Variants in EHBP1 observed in about 807,000 individuals in gnomAD.
EHBP1 encodes the protein EH domain binding protein 1.
Under a neutral mutation model 144.0 loss-of-function variants are expected in EHBP1, and 55 were observed. That is an observed-to-expected ratio of 0.38 (90% CI 0.31 to 0.48). The LOEUF (loss-of-function observed/expected upper bound fraction) is 0.48, where lower values mean the gene tolerates loss of function less well. Among genes scored for constraint, EHBP1 ranks in the 20% least tolerant of loss-of-function variants. EHBP1 has a pLI of 0.98. For synonymous variants in EHBP1, 469 were observed against 472.7 expected (o/e 0.99, Z 0.10); for missense variants, 1,200 against 1,364.2 (o/e 0.88, Z 1.90).
Position 62,978,180 on chromosome 2 carries a change from C to T in EHBP1, c.2461-1008C>T, listed in dbSNP as rs141989317. 2.7e-4 allele frequency among the ~76,000 whole-genome samples: 41 copies of T among 150,560 alleles called. No individual in the cohort carries two copies. The South Asian group carries it at 6.7e-3, about 25-fold the overall frequency. On this transcript the variant is annotated intron_variant, in intron 14 of 22. Transcript: ENST00000431489. The stretch of plus-strand genomic sequence containing the variant: ...AAAGCAGTTTCACATTGATTATTTG[C>T]GATTCATAATATTAATAATCCTTTT...
intron 19 of EHBP1, among the ~76,000 whole-genome samples, chr2:63,020,502 C>CAA (rs544692213): frequency 9.5e-6 from 1 of 105,314 alleles, no homozygotes; most frequent in Non-Finnish European, 2.0e-5. Context: ...GACTACATCT[C>CAA]AAAAAAAAAA....
intron 1 of EHBP1, among the ~76,000 whole-genome samples, chr2:62,678,350 G>A (rs1297847057): frequency 3.3e-5 from 5 of 152,098 alleles, no homozygotes; most frequent in Non-Finnish European, 7.4e-5. Flanking sequence ...TTCCTATAGA[G>A]TTGTCTGAGT....
chr2:62,883,348 A>G (rs969133567), intron 10 of EHBP1, among the ~76,000 whole-genome samples: 4 of 152,242 alleles, frequency 2.6e-5, no homozygotes, highest in African/African-American at 7.2e-5. Flanking sequence ...TTTGAAGGTA[A>G]TGTTTCATTG....
intron 4 of EHBP1, 53 bp from the exon 5 acceptor site, chr2:62,771,286 T>C: frequency 7.3e-7 from 1 of 1,373,248 alleles, no homozygotes; most frequent in Non-Finnish European, 1.0e-6. Context: ...ATTGGGTTTA[T>C]TGGACTAAAG....
chr2:63,005,632 T>G (rs1292437122), intron 19 of EHBP1, among the ~76,000 whole-genome samples: 1 of 152,066 alleles, frequency 6.6e-6, no homozygotes, highest in Non-Finnish European at 1.5e-5. Flanking sequence ...AAAGCCTATT[T>G]TCAGTAATGT....
intron 21 of EHBP1, among the ~76,000 whole-genome samples, chr2:63,043,726 G>A (rs941735371): frequency 6.6e-6 from 1 of 151,920 alleles, no homozygotes; most frequent in African/African-American, 2.4e-5. Context: ...TGTGTGGTTT[G>A]TGAAGATTCA....
In EHBP1 at chr2:62,877,937, C is replaced by G. The variant is rs1381686298; in HGVS notation, c.1185+3405C>G. On this transcript the variant is annotated intron_variant, in intron 10 of 22. Coordinates refer to ENST00000431489, the MANE Select transcript of EHBP1 (RefSeq NM_001142616.3). ...CCTAGAGGAACTAGGGAATCAAGAA[C>G]AAACCAACCGAAAGCTAGCAGAAGA... Among the ~76,000 whole-genome samples, 5 of 152,090 alleles carry G rather than the reference C, an allele frequency of 3.3e-5. No homozygotes were observed. The East Asian group carries it at 9.7e-4, about 29-fold the overall frequency.
At chr2:62,871,581 G>A (rs2050488423) in intron 9 of EHBP1, among the ~76,000 whole-genome samples, 1 of 152,180 alleles carries the variant, frequency 6.6e-6, no homozygotes, top group South Asian at 2.1e-4. Context: ...TAGGTTCAAT[G>A]TCAGTAGCAG....
intron 3 of EHBP1, among the ~76,000 whole-genome samples, chr2:62,748,606 G>A (rs2039377742): frequency 6.6e-6 from 1 of 152,104 alleles, no homozygotes; most frequent in African/African-American, 2.4e-5. Context: ...GCTTTATTGA[G>A]CTAAGATTGT....
At chr2:62,755,593 T>C (rs1190986206) in intron 3 of EHBP1, among the ~76,000 whole-genome samples, 2 of 152,206 alleles carry the variant, frequency 1.3e-5, no homozygotes, top group Non-Finnish European at 2.9e-5. Flanking sequence ...ACCAGCAATA[T>C]TGAAGAGTTT....
chr2:63,025,524 A>T (rs1460940737), intron 19 of EHBP1, among the ~76,000 whole-genome samples: 2 of 152,168 alleles, frequency 1.3e-5, no homozygotes, highest in Admixed American at 1.3e-4. Context: ...CGGCCATCCA[A>T]AGTGCTAGGA....
At chr2:62,825,169 A>T (rs1007936483) in intron 5 of EHBP1, among the ~76,000 whole-genome samples, 2 of 151,932 alleles carry the variant, frequency 1.3e-5, no homozygotes, top group Non-Finnish European at 2.9e-5. Flanking sequence ...CTACATCTGA[A>T]ATTTTCCCTT....
intron 3 of EHBP1, among the ~76,000 whole-genome samples, chr2:62,751,541 A>G (rs1162476686): frequency 6.6e-6 from 1 of 152,170 alleles, no homozygotes; most frequent in African/African-American, 2.4e-5. Context: ...ATTGATTGGA[A>G]TAGTTTCAGA....
intron 3 of EHBP1, among the ~76,000 whole-genome samples, chr2:62,753,502 G>GT (rs1331533513): frequency 1.3e-5 from 2 of 152,032 alleles, no homozygotes; most frequent in African/African-American, 4.8e-5. Context: ...TTCTTGAGGA[G>GT]TGTCTTTGTG....
chr2:63,040,156 A>G (rs1477376797), intron 21 of EHBP1, among the ~76,000 whole-genome samples: 2 of 150,014 alleles, frequency 1.3e-5, no homozygotes, highest in African/African-American at 4.9e-5. Flanking sequence ...ATATATATGT[A>G]TGTGTAATAT....
chr2:62,975,473 C>A (rs1047546717), intron 14 of EHBP1, among the ~76,000 whole-genome samples: 6 of 152,198 alleles, frequency 3.9e-5, no homozygotes, highest in Admixed American at 2.6e-4. Context: ...GCATGACTAT[C>A]TGGTTCCCCA....
rs2034664902 is a variant in EHBP1, at chr2:62,707,086, G to C, written c.-106G>C. On this transcript the variant is annotated 5_prime_UTR_variant, in exon 2 of 23. Coordinates refer to ENST00000431489, the MANE Select transcript of EHBP1 (RefSeq NM_001142616.3). Reference sequence around the variant, plus strand: ...AAGCATCATTTCGAGTTGTAGTTGAGTTTTTAAAAGACATACATGCAAAGT... The same window carrying C: ...AAGCATCATTTCGAGTTGTAGTTGACTTTTTAAAAGACATACATGCAAAGT... The C allele has an allele frequency of 1.2e-6, 1 of 824,394 alleles. No individual in the cohort carries two copies. The highest frequency in any genetic ancestry group is 1.9e-5 in the Admixed American group (1 of 51,562). 51.1% of individuals were successfully genotyped at this position (824,394 alleles called of 1,614,324 possible). A position where few individuals can be genotyped will look rare whatever the true frequency, so the allele number is the denominator to read the frequency against.
chr2:62,734,247 A>C (rs1022242402), intron 2 of EHBP1, among the ~76,000 whole-genome samples: 1 of 152,008 alleles, frequency 6.6e-6, no homozygotes, highest in African/African-American at 2.4e-5. Context: ...ATTTTGAGAC[A>C]TAGTGAAAGT....
rs2061491926 is a variant in EHBP1 at position 63,037,609 on chromosome 2, A to G, written c.3178A>G (p.Arg1060Gly). 1.2e-6 allele frequency: 2 copies of G among 1,600,796 alleles called. No homozygotes were observed. Among genetic ancestry groups the G allele is most frequent in the Non-Finnish European group, 1.7e-6 (2 of 1,171,410 alleles). The change falls in exon 20 of 23, where the codon AGG (arginine) becomes GGG (glycine). Residue 1060 changes from arginine (R) to glycine (G), a missense_variant. By Grantham distance (125) the Arg-to-Gly change is moderately radical. Around this residue, in one of 6 missense-constraint regions of EHBP1, gnomAD observed 149 missense variants for 217.0 expected, o/e 0.69. Transcript: ENST00000431489. ...AGTTAATAAGAAAAATGCCTTAATA[A>G]GGAGAATGAATCAGCTCTCTCTTCT... ...MLVNKKNALI[R>G]RMNQLSLLEK...
Sources: allele counts gnomAD v4.1 joint callset (sites outside exome capture counted in the v4.1 genomes callset), GRCh38; gene constraint gnomAD v4.1.1; regional missense constraint gnomAD v4.1.1; transcripts MANE v1.5; gene names NCBI Gene and HGNC (gene_info 2026-07-23, HGNC 2026-07-21).